USP24: variants seen among roughly 807,000 people sequenced by gnomAD.
The protein encoded by USP24 is ubiquitin specific peptidase 24.
USP24 carries 97 observed loss-of-function variants against 361.6 expected under a neutral mutation model. The ratio of observed to expected loss-of-function variants is 0.27; its 90% CI spans 0.23 to 0.32. The LOEUF (loss-of-function observed/expected upper bound fraction) is 0.32, where lower values mean the gene tolerates loss of function less well. Ranked by LOEUF, USP24 falls within the 10% of genes least tolerant of loss-of-function variation. The probability of loss-of-function intolerance (pLI) is 1.00; values close to 1 mark genes in which losing one functional copy is unlikely to be tolerated. For synonymous variants in USP24, 1,098 were observed against 1,124.6 expected (o/e 0.98, Z 0.47); for missense variants, 2,353 against 3,165.6 (o/e 0.74, Z 6.16).
chr1:55,130,633 G>C (rs1646563312), intron 31 of USP24, among the ~76,000 whole-genome samples: 1 of 152,150 alleles, frequency 6.6e-6, no homozygotes, highest in African/African-American at 2.4e-5. Flanking sequence ...CTGGGATAAT[G>C]AGCATTACAT....
chr1:55,080,753 TG>T (rs1645132932), intron 59 of USP24, among the ~76,000 whole-genome samples: 1 of 152,174 alleles, frequency 6.6e-6, no homozygotes, highest in East Asian at 1.9e-4. Flanking sequence ...GGACAATTTG[TG>T]GTTTTGCTGT....
At chr1:55,088,795 G>C (rs1249281335) in intron 55 of USP24, among the ~76,000 whole-genome samples, 2 of 152,172 alleles carry the variant, frequency 1.3e-5, no homozygotes, top group Non-Finnish European at 2.9e-5. Context: ...AGGATGATCA[G>C]AAGTAAAGTG....
At chr1:55,167,414 C>T (rs1648995126) in intron 5 of USP24, among the ~76,000 whole-genome samples, 1 of 152,120 alleles carries the variant, frequency 6.6e-6, no homozygotes, top group Non-Finnish European at 1.5e-5. Context: ...CCAGCTGGGA[C>T]ACGGTGAGCC....
At chr1:55,098,792 T>G (rs1470498957) in intron 45 of USP24, among the ~76,000 whole-genome samples, 3 of 152,168 alleles carry the variant, frequency 2.0e-5, no homozygotes, top group Non-Finnish European at 4.4e-5. Context: ...CAAGAGAGTG[T>G]TCTCCAGGGT....
intron 12 of USP24, among the ~76,000 whole-genome samples, chr1:55,155,689 T>C (rs1406106973): frequency 6.6e-6 from 1 of 152,152 alleles, no homozygotes; most frequent in Non-Finnish European, 1.5e-5. Flanking sequence ...CCCAAACTCC[T>C]CTGCCAGCCA....
chr1:55,100,968 C>A lies in USP24; in HGVS notation c.5146-4G>T. 4 of 1,607,422 alleles carry A rather than the reference C, an allele frequency of 2.5e-6. No individual in the cohort carries two copies. The highest frequency in any genetic ancestry group is 2.5e-6 in the Non-Finnish European group (3 of 1,178,140). On this transcript the variant is annotated splice_region_variant and splice_polypyrimidine_tract_variant and intron_variant, in intron 43 of 67. Coordinates refer to ENST00000294383, the MANE Select transcript of USP24 (RefSeq NM_015306.3). The stretch of plus-strand genomic sequence containing the variant: ...CATCATCCACTGAAAGTAATGACTG[C>A]ACAGAAAAGAAACATATCAAGCTTG...
intron 28 of USP24, among the ~76,000 whole-genome samples, chr1:55,135,205 G>A (rs1351052005): frequency 6.6e-6 from 1 of 152,068 alleles, no homozygotes; most frequent in Non-Finnish European, 1.5e-5. Context: ...GGTTGGTCTT[G>A]AACTCCTGGC....
At chr1:55,069,555 C>T in intron 67 of USP24, among the ~76,000 whole-genome samples, 1 of 152,048 alleles carries the variant, frequency 6.6e-6, no homozygotes, top group East Asian at 1.9e-4. Flanking sequence ...GCGAATCGTT[C>T]TGAATACTCA....
intron 1 of USP24, among the ~76,000 whole-genome samples, chr1:55,206,195 G>A (rs1644698178): frequency 6.6e-6 from 1 of 152,196 alleles, no homozygotes; most frequent in Non-Finnish European, 1.5e-5. Flanking sequence ...TTGTGAGCCA[G>A]GAGTACTAAG....
chr1:55,110,587 G>C (rs1028001285), intron 38 of USP24, among the ~76,000 whole-genome samples: 2 of 152,172 alleles, frequency 1.3e-5, no homozygotes, highest in African/African-American at 4.8e-5. Context: ...GCCTGGAACT[G>C]TTTTGGGAGA....
chr1:55,162,809 T>C (rs1570583054), intron 7 of USP24, among the ~76,000 whole-genome samples: 3 of 152,276 alleles, frequency 2.0e-5, no homozygotes, highest in East Asian at 3.9e-4. Flanking sequence ...ACCTGACAGG[T>C]TGACTACACC....
At position 55,095,657 on chromosome 1, in the gene USP24, G is replaced by C. The variant is rs2274541; in HGVS notation, c.6062-261C>G. 2.2e-4 allele frequency among the ~76,000 whole-genome samples: 33 copies of C among 152,250 alleles called. No individual in the cohort carries two copies. In the East Asian group the frequency reaches 6.0e-3, roughly 28 times the overall value. ...GGAATAAGGGAGCAGTATGGTAATG[G>C]AGTAAGAGAAAGAAGGTAAGTATCC... On this transcript the variant is annotated intron_variant, in intron 50 of 67. Coordinates refer to ENST00000294383, the MANE Select transcript of USP24 (RefSeq NM_015306.3).
intron 67 of USP24, among the ~76,000 whole-genome samples, chr1:55,070,248 G>C (rs1644893953): frequency 6.6e-6 from 1 of 152,082 alleles, no homozygotes; most frequent in Non-Finnish European, 1.5e-5. Context: ...AGAACGTCAA[G>C]AACAAGAGAG....
At position 55,181,483 on chromosome 1, in the gene USP24, G is replaced by A. The variant is rs2100837322; in HGVS notation, c.325-3351C>T. On this transcript the variant is annotated intron_variant, in intron 1 of 67. Coordinates refer to ENST00000294383, the MANE Select transcript of USP24 (RefSeq NM_015306.3). ...CAATTTCACTTAAAGGAACCTGATA[G>A]GACTCAAATAGTAAAAAATTTAGCA... Among the ~76,000 whole-genome samples the A allele has an allele frequency of 1.3e-5, 2 of 152,114 alleles. 1 individual carries two copies. Among genetic ancestry groups the A allele is most frequent in the Middle Eastern group, 6.8e-3 (2 of 294 alleles).
At position 55,214,797 on chromosome 1, in the gene USP24, T is replaced by G; in HGVS notation, c.317A>C (p.Asp106Ala). The G allele has an allele frequency of 8.2e-7, 1 of 1,220,594 alleles. No homozygotes were observed. 75.6% of individuals were successfully genotyped at this position (1,220,594 alleles called of 1,614,324 possible). The change falls in exon 1 of 68, where the codon GAC becomes GCC. Residue 106 changes from aspartate to alanine, a missense_variant. Physicochemically the swap from Asp to Ala is moderately radical, Grantham distance 126. Coordinates refer to ENST00000294383, the MANE Select transcript of USP24 (RefSeq NM_015306.3). ...GGGGTTGCCCCTCCTCACCTCCGCG[T>G]CCACCACCTCGTGGTAGGCGGGCGG... ...DPPPAYHEVV[D>A]AEKNDENGNC...
Position 55,163,280 on chromosome 1 carries a change from C to T in USP24, c.928-1016G>A, listed in dbSNP as rs550818923. Among the ~76,000 whole-genome samples the T allele has an allele frequency of 1.1e-4, 17 of 151,836 alleles. No individual in the cohort carries two copies. In the South Asian group the frequency reaches 2.7e-3, roughly 24 times the overall value. Reference sequence around the variant, plus strand: ...AAGACACCAAGGAAAAATTTGACTACGTAAAAGTCTGAAACTTCTATATAG... The same window carrying T: ...AAGACACCAAGGAAAAATTTGACTATGTAAAAGTCTGAAACTTCTATATAG... On this transcript the variant is annotated intron_variant, in intron 7 of 67. Coordinates refer to ENST00000294383, the MANE Select transcript of USP24 (RefSeq NM_015306.3).
chr1:55,151,565 T>C (rs1378435838), intron 16 of USP24, among the ~76,000 whole-genome samples: 2 of 152,102 alleles, frequency 1.3e-5, no homozygotes, highest in African/African-American at 4.8e-5. Flanking sequence ...GAATATGCAG[T>C]ACAACTAACT....
At chr1:55,194,358 G>GAGC (rs1027015416) in intron 1 of USP24, among the ~76,000 whole-genome samples, 4 of 152,182 alleles carry the variant, frequency 2.6e-5, no homozygotes, top group Admixed American at 6.5e-5. Context: ...ATGAGAAAGA[G>GAGC]AGCATGGTGC....
rs199999605 is a variant in USP24 at position 55,100,956 on chromosome 1, A to G, written c.5154T>C (p.Leu1718=). 2,188 of 1,609,630 alleles carry G rather than the reference A, an allele frequency of 1.4e-3. 3 individuals are homozygous for G. Among genetic ancestry groups the G allele is most frequent in the East Asian group, 2.3e-3 (102 of 44,788 alleles). ...YMQPGLPESL[L]SVDDDTDNPD... ...GATTGTCTGTGTCATCATCCACTGA[A>G]AGTAATGACTGCACAGAAAAGAAAC... Residue 1718 remains leucine (L), a synonymous_variant, in exon 44 of 68, where the codon CTT becomes CTC. Coordinates refer to ENST00000294383, the MANE Select transcript of USP24 (RefSeq NM_015306.3).
Sources: gnomAD v4.1 joint callset for allele counts (sites outside exome capture counted in the v4.1 genomes callset) on GRCh38, gnomAD v4.1.1 for gene constraint, MANE v1.5 for transcripts, NCBI Gene and HGNC (gene_info 2026-07-23, HGNC 2026-07-21) for gene names.